The following CYP51A1 variants were observed in gnomAD, a reference collection of about 807,000 sequenced individuals.
CYP51A1 encodes the protein lanosterol 14-alpha demethylase.
CYP51A1 carries 45 observed loss-of-function variants against 53.5 expected under a neutral mutation model. That is an observed-to-expected ratio of 0.84 (90% confidence interval 0.66 to 1.08). The LOEUF (loss-of-function observed/expected upper bound fraction) is 1.08, where lower values mean the gene tolerates loss of function less well. CYP51A1 is among the 50% of genes least tolerant of loss of function. The pLI, the probability that CYP51A1 is intolerant of heterozygous loss-of-function variation, is 0.00. For synonymous variants in CYP51A1, 181 were observed against 217.7 expected (o/e 0.83, Z 1.48); for missense variants, 462 against 621.7 (o/e 0.74, Z 2.73).
In CYP51A1 at chr7:92,116,630, C is replaced by T. The variant is rs1316639777; in HGVS notation, c.1351+414G>A. 7.2e-5 allele frequency among the ~76,000 whole-genome samples: 11 copies of T among 152,158 alleles called. No individual in the cohort carries two copies. In the South Asian group the frequency reaches 2.3e-3, roughly 32 times the overall value. On this transcript the variant is annotated intron_variant, in intron 9 of 9. Coordinates refer to ENST00000003100, the MANE Select transcript of CYP51A1 (RefSeq NM_000786.4). ...TTCAGAGAGCAAAAATGTTGACTAACGATCGAGAAGAGCTTTAATTTTAAA... is the reference window on the plus strand; with the variant it reads ...TTCAGAGAGCAAAAATGTTGACTAATGATCGAGAAGAGCTTTAATTTTAAA...
At chr7:92,122,861 G>A (rs2130948493) in intron 7 of CYP51A1, among the ~76,000 whole-genome samples, 1 of 152,286 alleles carries the variant, frequency 6.6e-6, no homozygotes, top group Middle Eastern at 3.4e-3. Context: ...GCCAGACTTT[G>A]AAGCAGAGGA....
At chr7:92,124,842 G>A (rs1819762382) in intron 5 of CYP51A1, among the ~76,000 whole-genome samples, 1 of 152,182 alleles carries the variant, frequency 6.6e-6, no homozygotes, top group African/African-American at 2.4e-5. Context: ...GAAACAGGCA[G>A]GTAGAAATGT....
At chr7:92,121,871 A>G (rs1819699777) in intron 7 of CYP51A1, among the ~76,000 whole-genome samples, 1 of 152,186 alleles carries the variant, frequency 6.6e-6, no homozygotes, top group African/African-American at 2.4e-5. Flanking sequence ...GAGTGATGTA[A>G]ATGTTCTAAA....
In CYP51A1 at chr7:92,134,288, T is replaced by C. The variant is rs1232419052; in HGVS notation, c.77A>G (p.Lys26Arg). 1.9e-6 allele frequency: 3 copies of C among 1,611,358 alleles called. No homozygotes were observed. The highest frequency in any genetic ancestry group is 2.5e-6 in the Non-Finnish European group (3 of 1,178,850). ...GGACAAGAGGTTGCCGCCTGTCACC[T>C]TCTCCATCGCCTGGCCCAGCACCGA... Reference protein sequence around the residue: ...GGSVLGQAMEKVTGGNLLSML... With the variant: ...GGSVLGQAMERVTGGNLLSML... The change falls in exon 1 of 10, where the codon AAG (lysine) becomes AGG (arginine). Residue 26 changes from lysine to arginine, a missense_variant. Coordinates refer to ENST00000003100, the MANE Select transcript of CYP51A1 (RefSeq NM_000786.4).
intron 4 of CYP51A1, 152 bp downstream of exon 4, chr7:92,127,353 T>A: frequency 1.4e-6 from 1 of 707,772 alleles, no homozygotes. Flanking sequence ...CAGTTACAAC[T>A]TCATGGTAAT....
intron 2 of CYP51A1, among the ~76,000 whole-genome samples, chr7:92,131,355 G>C (rs1819912361): frequency 6.6e-6 from 1 of 152,214 alleles, no homozygotes; most frequent in African/African-American, 2.4e-5. Context: ...AAATAATTGA[G>C]TAGCTATGGT....
intron 3 of CYP51A1, among the ~76,000 whole-genome samples, chr7:92,128,455 TGCGCGTGC>T (rs1193611710): frequency 1.7e-4 from 17 of 101,952 alleles, no homozygotes; most frequent in African/African-American, 5.2e-4. Flanking sequence ...TGTGTGTGTG[TGCGCGTGC>T]GTGTGTGTGT....
At position 92,113,857 on chromosome 7, in the gene CYP51A1, A is replaced by C. The variant is rs374469101; in HGVS notation, c.1352-14T>G. 1.9e-6 allele frequency: 3 copies of C among 1,565,610 alleles called. No homozygotes were observed. The African/African-American group carries it at 4.1e-5, about 22-fold the overall frequency. ...AACGATGACGCCCTAAAAAAAAGAAAAAGTTATAAGAATCAGTTTAAATTC... is the reference window on the plus strand; with the variant it reads ...AACGATGACGCCCTAAAAAAAAGAACAAGTTATAAGAATCAGTTTAAATTC... On this transcript the variant is annotated splice_polypyrimidine_tract_variant and intron_variant, in intron 9 of 9. Transcript: ENST00000003100.
At chr7:92,121,000 A>G (rs1819680600) in intron 7 of CYP51A1, among the ~76,000 whole-genome samples, 1 of 152,188 alleles carries the variant, frequency 6.6e-6, no homozygotes, top group South Asian at 2.1e-4. Flanking sequence ...AAATCAAAAC[A>G]AAATACCAAC....
intron 2 of CYP51A1, 25 bp from the exon 3 acceptor site, chr7:92,129,081 T>C (rs778606975): frequency 1.1e-5 from 17 of 1,502,950 alleles, no homozygotes; most frequent in Non-Finnish European, 1.5e-5. Context: ...GTACATATAG[T>C]GATGTTACAA....
At position 92,128,432 on chromosome 7, in the gene CYP51A1, G is replaced by GTGTGTGTGTA. The variant is rs1442002927; in HGVS notation, c.468+447_468+448insTACACACACA. Among the ~76,000 whole-genome samples the GTGTGTGTGTA allele has an allele frequency of 4.4e-5, 6 of 136,306 alleles. No homozygotes were observed. The East Asian group carries it at 1.5e-3, about 34-fold the overall frequency. The allele number at this position is 136,306 out of a possible 152,430, so 89.4% of individuals were successfully genotyped here. A position where few individuals can be genotyped will look rare whatever the true frequency, so the allele number is the denominator to read the frequency against. ...ACATTTTTGTTTGGTTGGTTTCTGT[G>GTGTGTGTGTA]TGTGTGTGTGTGTGTGTGTGTGTGC... is the stretch of plus-strand genomic sequence containing the variant. On this transcript the variant is annotated intron_variant, in intron 3 of 9. Transcript: ENST00000003100.
chr7:92,134,160 A>C lies in CYP51A1; in HGVS notation c.192+13T>G. 6.2e-7 allele frequency: 1 copy of C among 1,610,910 alleles called. No homozygotes were observed. Among genetic ancestry groups the C allele is most frequent in the East Asian group, 2.2e-5 (1 of 44,838 alleles). On this transcript the variant is annotated intron_variant, in intron 1 of 9. Coordinates refer to ENST00000003100, the MANE Select transcript of CYP51A1 (RefSeq NM_000786.4). ...GGCGCGCGCCCCACTCAGACCCTAA[A>C]GAATGTACGTACCACCCCTGCGGGC...
At chr7:92,115,860 C>T (rs1349235563) in intron 9 of CYP51A1, among the ~76,000 whole-genome samples, 2 of 152,208 alleles carry the variant, frequency 1.3e-5, no homozygotes, top group Admixed American at 6.5e-5. Flanking sequence ...AACTGAACAA[C>T]CCACAACCCA....
At chr7:92,128,428 C>CTCTCTGTGTGTGTGTG (rs112952169) in intron 3 of CYP51A1, among the ~76,000 whole-genome samples, 4 of 143,044 alleles carry the variant, frequency 2.8e-5, no homozygotes, top group African/African-American at 1.0e-4. Context: ...TGGTTGGTTT[C>CTCTCTGTGTGTGTGTG]TGTGTGTGTG....
Position 92,113,677 on chromosome 7 carries a change from T to A in CYP51A1, c.1518A>T (p.Arg506=), listed in dbSNP as rs772095932. The A allele has an allele frequency of 6.2e-7, 1 of 1,611,418 alleles. No homozygotes were observed. ...CTTGCAACCTTTTTCATTTTGATCT[T>A]CGTTTGTAACGGATAACTGGGTTTT... ...TPENPVIRYK[R]RSK The change falls in exon 10 of 10, where the codon CGA becomes CGT. Residue 506 remains arginine (R), a synonymous_variant. Coordinates refer to ENST00000003100, the MANE Select transcript of CYP51A1 (RefSeq NM_000786.4).
intron 8 of CYP51A1, among the ~76,000 whole-genome samples, chr7:92,117,774 G>A (rs1434132730): frequency 6.6e-6 from 1 of 152,096 alleles, no homozygotes; most frequent in Non-Finnish European, 1.5e-5. Context: ...GATCACCTGA[G>A]GTCGGGAGTT....
chr7:92,116,519 A>C (rs953774065), intron 9 of CYP51A1, among the ~76,000 whole-genome samples: 1 of 152,240 alleles, frequency 6.6e-6, no homozygotes, highest in Non-Finnish European at 1.5e-5. Context: ...GGTATAGCTA[A>C]ATTATTTTAG....
In CYP51A1 at chr7:92,134,177, C is replaced by G; in HGVS notation, c.188G>C (p.Gly63Ala). 6.2e-7 allele frequency: 1 copy of G among 1,611,778 alleles called. No individual in the cohort carries two copies. The highest frequency in any genetic ancestry group is 1.7e-5 in the Admixed American group (1 of 60,014). The change falls in exon 1 of 10, where the codon GGG becomes GCG. Residue 63 changes from glycine (G) to alanine (A), a missense_variant. By Grantham distance (60) the Gly-to-Ala change is moderately conservative (BLOSUM62 0). Transcript: ENST00000003100. ...AAGHLVQLPA[G>A]VKSPPYIFSP... ...GACCCTAAAGAATGTACGTACCACCCCTGCGGGCAGCTGGACCAGGTGGCC... is the reference window on the plus strand; with the variant it reads ...GACCCTAAAGAATGTACGTACCACCGCTGCGGGCAGCTGGACCAGGTGGCC...
intron 1 of CYP51A1, 83 bp downstream of exon 1, chr7:92,134,090 G>C (rs1819987304): frequency 1.4e-6 from 2 of 1,400,022 alleles, no homozygotes; most frequent in South Asian, 1.2e-5. Context: ...GAGCCGGTCG[G>C]GGCCACGGAG....
Sources: gnomAD v4.1 joint callset for allele counts (sites outside exome capture counted in the v4.1 genomes callset) on GRCh38, gnomAD v4.1.1 for gene constraint, MANE v1.5 for transcripts, NCBI Gene and HGNC (gene_info 2026-07-23, HGNC 2026-07-21) for gene names.